The following CASK variants were observed in gnomAD, a reference collection of about 807,000 sequenced individuals.
CASK encodes peripheral plasma membrane protein CASK.
In CASK, 4 loss-of-function variants were observed where a neutral mutation model predicts 82.9. The ratio of observed to expected loss-of-function variants is 0.05; its 90% CI spans 0.02 to 0.11. The LOEUF is 0.11. Ranked by LOEUF, CASK falls within the 10% of genes least tolerant of loss-of-function variation. CASK has a pLI of 1.00. For synonymous variants in CASK, 259 were observed against 253.5 expected, an observed-to-expected ratio of 1.02 and a Z score of -0.20; for missense variants, 358 against 720.9, an observed-to-expected ratio of 0.50 and a Z score of 5.76.
chrX:41,610,554 TC>T (rs1317993201), intron 11 of CASK, among the ~76,000 whole-genome samples: 6 of 110,447 alleles, frequency 5.4e-5, no homozygotes, highest in Non-Finnish European at 1.1e-4. Context: ...CCCAGTCCAC[TC>T]CTTTTTTTTT....
chrX:41,696,345 T>C (rs1204747050), intron 5 of CASK: 1 of 1,168,077 alleles, frequency 8.6e-7, no homozygotes, highest in Non-Finnish European at 1.1e-6. Flanking sequence ...AATCCTTTCA[T>C]ATATTAAGAT....
intron 1 of CASK, among the ~76,000 whole-genome samples, chrX:41,860,181 C>T (rs1305371166): frequency 9.1e-6 from 1 of 110,155 alleles, no homozygotes; most frequent in East Asian, 2.8e-4. Context: ...TTAAGTAACG[C>T]AATTTTATGT....
intron 3 of CASK, chrX:41,786,859 C>T: frequency 4.1e-6 from 1 of 241,921 alleles, no homozygotes; most frequent in Non-Finnish European, 7.5e-6. Flanking sequence ...CCACTTTCAT[C>T]CTACTCTTCT....
chrX:41,547,604 T>C (rs2065040492), intron 21 of CASK, among the ~76,000 whole-genome samples: 2 of 110,268 alleles, frequency 1.8e-5, no homozygotes, highest in Non-Finnish European at 1.9e-5. Context: ...GGCTTGTAAA[T>C]AGAATTGATT....
chrX:41,733,498 C>T lies in CASK; in HGVS notation c.429+5886G>A, dbSNP rs1369272580. On this transcript the variant is annotated intron_variant, in intron 5 of 26. Transcript: ENST00000378163. ...GCACGGTGGCTCACGCCTGTAATCC[C>T]AGCACTTTGGGAGGCTGAGGCGGGC... is the stretch of plus-strand genomic sequence containing the variant. 5.4e-5 allele frequency among the ~76,000 whole-genome samples: 6 copies of T among 111,134 alleles called. No individual in the cohort carries two copies. The South Asian group carries it at 2.3e-3, about 42-fold the overall frequency.
In CASK at chrX:41,741,815, T is replaced by A. The variant is rs190002366; in HGVS notation, c.357-2359A>T. On this transcript the variant is annotated intron_variant, in intron 4 of 26. Coordinates refer to ENST00000378163, the MANE Select transcript of CASK (RefSeq NM_001367721.1). The stretch of plus-strand genomic sequence containing the variant: ...CTGCCCACATGTTCTAGGAAGTTGC[T>A]GACTAAACTTTTAATCAAAAAACTT... Among the ~76,000 whole-genome samples the A allele has an allele frequency of 2.5e-3, 279 of 112,411 alleles. 1 individual carries two copies. The highest frequency in any genetic ancestry group is 5.6e-3 in the Admixed American group (59 of 10,594).
chrX:41,736,576 G>C (rs1272151710), intron 5 of CASK, among the ~76,000 whole-genome samples: 1 of 112,323 alleles, frequency 8.9e-6, no homozygotes, highest in African/African-American at 3.2e-5. Flanking sequence ...CGTGTGCTCT[G>C]TGTTGAGTGT....
At chrX:41,912,831 AAT>A (rs2072606773) in intron 1 of CASK, among the ~76,000 whole-genome samples, 1 of 104,617 alleles carries the variant, frequency 9.6e-6, no homozygotes. Context: ...AAATATATAT[AAT>A]GTTATAATAT....
intron 2 of CASK, among the ~76,000 whole-genome samples, chrX:41,821,111 C>T (rs1302176554): frequency 9.0e-6 from 1 of 111,389 alleles, no homozygotes; most frequent in Admixed American, 9.5e-5. Context: ...AACTTCTACT[C>T]TTTTAAAGAT....
chrX:41,864,514 T>C (rs900433953), intron 1 of CASK, among the ~76,000 whole-genome samples: 5 of 111,789 alleles, frequency 4.5e-5, no homozygotes, highest in African/African-American at 1.6e-4. Context: ...TCAGTGGACT[T>C]TGGACATGAT....
intron 2 of CASK, among the ~76,000 whole-genome samples, chrX:41,814,444 G>T (rs926611296): frequency 7.2e-5 from 8 of 110,644 alleles, no homozygotes; most frequent in African/African-American, 2.3e-4. Context: ...TCCTTTGTAG[G>T]GACATGGATG....
intron 11 of CASK, among the ~76,000 whole-genome samples, chrX:41,612,701 G>A (rs1193291499): frequency 1.1e-5 from 1 of 93,443 alleles, no homozygotes; most frequent in Non-Finnish European, 2.2e-5. Context: ...CGGGAGGGAG[G>A]TGGGGGGGTC....
intron 5 of CASK, chrX:41,675,766 C>T: frequency 1.7e-6 from 2 of 1,201,816 alleles, no homozygotes; most frequent in Admixed American, 4.3e-5. Flanking sequence ...GTTAATTTTC[C>T]CCTCCTTCTC....
intron 5 of CASK, chrX:41,728,216 CGTTGAGA>C: frequency 3.1e-6 from 1 of 320,908 alleles, no homozygotes; most frequent in Non-Finnish European, 5.5e-6. Flanking sequence ...TTATACTGAA[CGTTGAGA>C]TGGCAGAAAC....
intron 20 of CASK, among the ~76,000 whole-genome samples, chrX:41,554,753 T>C (rs1365424623): frequency 8.9e-6 from 1 of 112,176 alleles, no homozygotes; most frequent in Non-Finnish European, 1.9e-5. Flanking sequence ...CAATGTTCCA[T>C]CAATTATACA....
intron 5 of CASK, among the ~76,000 whole-genome samples, chrX:41,723,600 G>C (rs759408861): frequency 1.8e-5 from 2 of 111,340 alleles, no homozygotes; most frequent in Non-Finnish European, 3.8e-5. Context: ...ATTAGAAACA[G>C]AGTGGGTTAA....
At chrX:41,724,885 C>T (rs1054182300) in intron 5 of CASK, among the ~76,000 whole-genome samples, 4 of 112,282 alleles carry the variant, frequency 3.6e-5, no homozygotes, top group Admixed American at 9.5e-5. Context: ...GGAGCTACTG[C>T]TTTTCTTTAA....
chrX:41,619,850 A>G (rs2066259745), intron 11 of CASK, among the ~76,000 whole-genome samples: 1 of 112,436 alleles, frequency 8.9e-6, no homozygotes, highest in African/African-American at 3.2e-5. Flanking sequence ...TAGATCCTAC[A>G]TATGTTGACA....
At chrX:41,852,652 G>T (rs1440159580) in intron 2 of CASK, among the ~76,000 whole-genome samples, 1 of 111,146 alleles carries the variant, frequency 9.0e-6, no homozygotes, top group Non-Finnish European at 1.9e-5. Flanking sequence ...TATATCATAT[G>T]TGACTTAAGC....
Sources: gnomAD v4.1 joint callset for allele counts (sites outside exome capture counted in the v4.1 genomes callset) on GRCh38, gnomAD v4.1.1 for gene constraint, MANE v1.5 for transcripts, NCBI Gene and HGNC (gene_info 2026-07-23, HGNC 2026-07-21) for gene names.